LRP5: variants seen among roughly 807,000 people sequenced by gnomAD.
LRP5 encodes the protein LDL receptor related protein 5.
In LRP5, 62 loss-of-function variants were observed where a neutral mutation model predicts 154.1. The ratio of observed to expected loss-of-function variants is 0.40; its 90% CI spans 0.33 to 0.50. The LOEUF (loss-of-function observed/expected upper bound fraction) is 0.50, where lower values mean the gene tolerates loss of function less well. Ranked by LOEUF, LRP5 falls within the 20% of genes least tolerant of loss-of-function variation. The pLI is 0.55. For synonymous variants in LRP5, 966 were observed against 1,011.5 expected (o/e 0.96, Z 0.85); for missense variants, 1,915 against 2,336.7 (o/e 0.82, Z 3.72).
At chr11:68,384,846 T>C (rs1158248580) in intron 5 of LRP5, among the ~76,000 whole-genome samples, 1 of 152,198 alleles carries the variant, frequency 6.6e-6, no homozygotes. Context: ...CCGTGCGTCC[T>C]GTGGAGTGGG....
intron 9 of LRP5, among the ~76,000 whole-genome samples, chr11:68,409,095 T>TATATATAC (rs1311618305): frequency 2.2e-4 from 6 of 27,736 alleles, no homozygotes; most frequent in Non-Finnish European, 3.4e-4. Flanking sequence ...TATATATATA[T>TATATATAC]ACACACACAT....
At chr11:68,316,165 G>A (rs2153111955) in intron 1 of LRP5, among the ~76,000 whole-genome samples, 1 of 152,166 alleles carries the variant, frequency 6.6e-6, no homozygotes, top group East Asian at 1.9e-4. Flanking sequence ...GCCTGTTCTG[G>A]GCATTTTGCA....
intron 5 of LRP5, among the ~76,000 whole-genome samples, chr11:68,380,198 A>G (rs1419734065): frequency 1.3e-5 from 2 of 152,258 alleles, no homozygotes; most frequent in Non-Finnish European, 2.9e-5. Flanking sequence ...ATGGCTCACC[A>G]TCTAGTTGGG....
intron 16 of LRP5, among the ~76,000 whole-genome samples, chr11:68,426,423 C>CTTTT (rs58093101): frequency 1.1e-4 from 14 of 130,406 alleles, no homozygotes; most frequent in African/African-American, 3.3e-4. Context: ...AACACCAACT[C>CTTTT]TTTTTTTTTT....
chr11:68,393,148 A>G (rs1018217182), intron 7 of LRP5, among the ~76,000 whole-genome samples: 20 of 152,012 alleles, frequency 1.3e-4, no homozygotes, highest in African/African-American at 4.8e-4. Context: ...AACAAAAAAA[A>G]AAGTTCCTTT....
chr11:68,424,492 G>T (rs1325959133), intron 14 of LRP5, among the ~76,000 whole-genome samples: 6 of 152,228 alleles, frequency 3.9e-5, no homozygotes, highest in African/African-American at 1.4e-4. Context: ...TCTATAAGGC[G>T]GCTGTGCAGG....
chr11:68,347,240 C>T (rs1368891740), intron 1 of LRP5, among the ~76,000 whole-genome samples: 3 of 152,172 alleles, frequency 2.0e-5, no homozygotes, highest in African/African-American at 7.2e-5. Flanking sequence ...GTAGGAATGT[C>T]CAGAAGCAGG....
chr11:68,337,395 A>G (rs1162911274), intron 1 of LRP5, among the ~76,000 whole-genome samples: 1 of 152,178 alleles, frequency 6.6e-6, no homozygotes, highest in Admixed American at 6.6e-5. Context: ...GAGCTGTGTT[A>G]GGTGTCAGAG....
intron 1 of LRP5, among the ~76,000 whole-genome samples, chr11:68,328,299 G>A (rs1167174853): frequency 5.9e-5 from 9 of 152,222 alleles, no homozygotes; most frequent in African/African-American, 1.2e-4. Flanking sequence ...TTTGTAGAGC[G>A]ATGATAAATT....
chr11:68,447,422 G>A lies in LRP5; in HGVS notation c.4586+889G>A, dbSNP rs79320300. ...TAGTGGCCATTTCCACGAACTCCCA[G>A]GCCTGGCTGGGGAGCCGGAACTGCA... is the stretch of plus-strand genomic sequence containing the variant. On this transcript the variant is annotated intron_variant, in intron 22 of 22. Coordinates refer to ENST00000294304, the MANE Select transcript of LRP5 (RefSeq NM_002335.4). The surrounding 1 kb of genome is among the most constrained non-coding windows in gnomAD (Gnocchi z 4.3). 0.048 allele frequency among the ~76,000 whole-genome samples: 7,238 copies of A among 152,218 alleles called. 198 individuals are homozygous for A. The highest frequency in any genetic ancestry group is 0.13 in the Middle Eastern group (37 of 294).
At chr11:68,407,567 G>A (rs2098656449) in intron 9 of LRP5, among the ~76,000 whole-genome samples, 1 of 151,160 alleles carries the variant, frequency 6.6e-6, no homozygotes, top group Admixed American at 6.6e-5. Context: ...GTGGCTGGGT[G>A]CGGTGGCTCA....
chr11:68,349,122 T>C (rs1311935334), intron 2 of LRP5, among the ~76,000 whole-genome samples: 1 of 145,422 alleles, frequency 6.9e-6, no homozygotes, highest in African/African-American at 2.5e-5. Context: ...AACCTTCGCC[T>C]CCCGGGTTCA....
At chr11:68,376,086 A>G (rs1176125054) in intron 5 of LRP5, among the ~76,000 whole-genome samples, 1 of 151,228 alleles carries the variant, frequency 6.6e-6, no homozygotes, top group South Asian at 2.1e-4. Context: ...CTTGGGGGCC[A>G]CTGCAGCGGT....
chr11:68,310,989 G>C (rs1383438280), upstream of LRP5, among the ~76,000 whole-genome samples: 1 of 151,956 alleles, frequency 6.6e-6, no homozygotes, highest in Non-Finnish European at 1.5e-5. Flanking sequence ...CAGCCCTCAC[G>C]AGCCCTGGAG....
At chr11:68,405,684 G>A (rs1175309435) in intron 8 of LRP5, among the ~76,000 whole-genome samples, 2 of 152,108 alleles carry the variant, frequency 1.3e-5, no homozygotes, top group African/African-American at 4.8e-5. Flanking sequence ...TCTTTTTTTG[G>A]CTGAAATATT....
chr11:68,424,818 G>A (rs1165335691), intron 14 of LRP5, among the ~76,000 whole-genome samples: 1 of 152,230 alleles, frequency 6.6e-6, no homozygotes, highest in Non-Finnish European at 1.5e-5. Flanking sequence ...ACCATTGAAG[G>A]ACACTTCAGT....
At chr11:68,431,794 C>T (rs368108639) in intron 17 of LRP5, among the ~76,000 whole-genome samples, 10 of 152,224 alleles carry the variant, frequency 6.6e-5, no homozygotes, top group Admixed American at 2.6e-4. Flanking sequence ...GGCCAAGAAA[C>T]GGGGCCGTCA....
In LRP5 at chr11:68,413,950, G is replaced by T; in HGVS notation, c.2765G>T (p.Gly922Val). 1.2e-6 allele frequency: 2 copies of T among 1,609,244 alleles called. No individual in the cohort carries two copies. Among genetic ancestry groups the T allele is most frequent in the Non-Finnish European group, 1.7e-6 (2 of 1,180,002 alleles). Residue 922 changes from glycine to valine, a missense_variant, in exon 12 of 23, where the codon GGC becomes GTC. Around this residue, in one of 3 missense-constraint regions of LRP5, gnomAD observed 1,094 missense variants for 1,210.1 expected, o/e 0.90. Coordinates refer to ENST00000294304, the MANE Select transcript of LRP5 (RefSeq NM_002335.4). This position sits in a 1 kb window ranked among gnomAD's most constrained non-coding sequence, Gnocchi z 5.1. ...QCGQLCLAIP[G>V]GHRCGCASHY... ...GGGCAGCTGTGCCTTGCCATCCCCG[G>T]CGGCCACCGCTGCGGCTGCGCCTCA...
intron 13 of LRP5, among the ~76,000 whole-genome samples, chr11:68,422,891 C>A (rs2098666624): frequency 6.7e-6 from 1 of 150,294 alleles, no homozygotes; most frequent in Non-Finnish European, 1.5e-5. Context: ...CCCACCTTCA[C>A]CTAACCCCCA....
Sources: gnomAD v4.1 joint callset for allele counts (sites outside exome capture counted in the v4.1 genomes callset) on GRCh38, gnomAD v4.1.1 for gene constraint, gnomAD v4.1.1 regional missense constraint, Gnocchi (gnomAD v3.1) non-coding constraint, MANE v1.5 for transcripts, NCBI Gene and HGNC (gene_info 2026-07-23, HGNC 2026-07-21) for gene names.